DLGAP2: variants seen among roughly 807,000 people sequenced by gnomAD.
DLGAP2 encodes disks large-associated protein 2.
In DLGAP2, 26 loss-of-function variants were observed where a neutral mutation model predicts 100.3. The observed-to-expected ratio is 0.26, with a 90% CI of 0.19 to 0.36. The LOEUF is 0.36. DLGAP2 is among the 10% of genes least tolerant of loss of function. The probability of loss-of-function intolerance (pLI) is 1.00; values close to 1 mark genes in which losing one functional copy is unlikely to be tolerated. For missense variants in DLGAP2, 1,858 were observed against 1,453.2 expected (o/e 1.28, Z -4.53); for synonymous variants, 886 against 630.1 (o/e 1.41, Z -6.08).
intron 3 of DLGAP2, among the ~76,000 whole-genome samples, chr8:1,324,514 T>C (rs1376266251): frequency 6.6e-6 from 1 of 152,210 alleles, no homozygotes; most frequent in East Asian, 1.9e-4. Context: ...TCCCAGATCA[T>C]CTTACCCATT....
intron 3 of DLGAP2, among the ~76,000 whole-genome samples, chr8:1,392,446 A>T (rs2129818045): frequency 6.6e-6 from 1 of 152,270 alleles, no homozygotes; most frequent in African/African-American, 2.4e-5. Context: ...ATGGGAGGCA[A>T]ACCCGTTCCG....
At chr8:1,585,666 A>G (rs1796094217) in intron 6 of DLGAP2, among the ~76,000 whole-genome samples, 1 of 152,190 alleles carries the variant, frequency 6.6e-6, no homozygotes, top group Admixed American at 6.5e-5. Context: ...ATCCCTAGAG[A>G]TGCGTCTCTG....
At chr8:989,291 A>C (rs1261275670) in intron 2 of DLGAP2, among the ~76,000 whole-genome samples, 1 of 151,068 alleles carries the variant, frequency 6.6e-6, no homozygotes, top group African/African-American at 2.4e-5. Context: ...CCACATCCTA[A>C]CCTCCTCTCC....
chr8:817,140 CAAAAA>C (rs35157533), intron 1 of DLGAP2, among the ~76,000 whole-genome samples: 7 of 115,046 alleles, frequency 6.1e-5, no homozygotes, highest in Non-Finnish European at 3.6e-5. Flanking sequence ...GACTCCGTCT[CAAAAA>C]AAAAAAAAAA....
chr8:1,499,739 G>A (rs1484259596), intron 3 of DLGAP2, among the ~76,000 whole-genome samples: 1 of 152,188 alleles, frequency 6.6e-6, no homozygotes, highest in Non-Finnish European at 1.5e-5. Context: ...CTGTAACTGG[G>A]AGATCCCATG....
At chr8:1,200,754 A>G (rs1020841253) in intron 2 of DLGAP2, among the ~76,000 whole-genome samples, 1 of 151,540 alleles carries the variant, frequency 6.6e-6, no homozygotes, top group Non-Finnish European at 1.5e-5. Flanking sequence ...ACAGAGCTGT[A>G]ATAACACGGG....
At chr8:749,725 A>C (rs1820743996) in intron 1 of DLGAP2, among the ~76,000 whole-genome samples, 1 of 152,162 alleles carries the variant, frequency 6.6e-6, no homozygotes, top group African/African-American at 2.4e-5. Flanking sequence ...GGGTGTGTTT[A>C]GTTTCCTAGG....
chr8:1,583,183 G>C (rs1796000882), intron 6 of DLGAP2, among the ~76,000 whole-genome samples: 1 of 152,202 alleles, frequency 6.6e-6, no homozygotes, highest in Non-Finnish European at 1.5e-5. Flanking sequence ...CTTCCGTTTT[G>C]GGATATGTTT....
intron 5 of DLGAP2, among the ~76,000 whole-genome samples, chr8:1,562,312 G>C (rs867269891): frequency 9.5e-5 from 2 of 21,156 alleles, no homozygotes; most frequent in Non-Finnish European, 8.6e-5. Flanking sequence ...GTGTGGTGTT[G>C]GGGTGTCCGC....
intron 3 of DLGAP2, among the ~76,000 whole-genome samples, chr8:1,420,940 G>C (rs1286690837): frequency 6.6e-6 from 1 of 152,108 alleles, no homozygotes; most frequent in Admixed American, 6.6e-5. Context: ...CATTCGATTG[G>C]CTGTTTTGAG....
intron 2 of DLGAP2, among the ~76,000 whole-genome samples, chr8:966,805 G>A (rs963101562): frequency 3.3e-5 from 5 of 152,316 alleles, no homozygotes; most frequent in African/African-American, 9.6e-5. Flanking sequence ...TGTTAGGATG[G>A]TCAACCTTCT....
At chr8:1,270,148 G>T (rs1276236661) in intron 3 of DLGAP2, among the ~76,000 whole-genome samples, 3 of 152,144 alleles carry the variant, frequency 2.0e-5, no homozygotes, top group African/African-American at 7.2e-5. Flanking sequence ...TTAAAAACCA[G>T]GTGGGTCTTG....
intron 5 of DLGAP2, among the ~76,000 whole-genome samples, chr8:1,554,836 G>T (rs1801904831): frequency 6.6e-6 from 1 of 151,870 alleles, no homozygotes; most frequent in African/African-American, 2.4e-5. Context: ...TGGCGTTGTG[G>T]CTTATGGGGT....
intron 1 of DLGAP2, among the ~76,000 whole-genome samples, chr8:905,864 G>C (rs1209714553): frequency 6.8e-6 from 1 of 147,094 alleles, no homozygotes; most frequent in African/African-American, 2.5e-5. Context: ...ACCTCTCGCG[G>C]CCCTTTCCAA....
At chr8:1,528,970 T>G (rs182987950) in intron 4 of DLGAP2, among the ~76,000 whole-genome samples, 2 of 152,348 alleles carry the variant, frequency 1.3e-5, no homozygotes. Flanking sequence ...TTTCCTAAAA[T>G]GTTCACGTGA....
Position 1,219,079 on chromosome 8 carries a change from G to C in DLGAP2, c.74-39772G>C, listed in dbSNP as rs910786798. Among the ~76,000 whole-genome samples, 8 of 152,318 alleles carry C rather than the reference G, an allele frequency of 5.3e-5. No individual in the cohort carries two copies. In the South Asian group the frequency reaches 6.2e-4, roughly 12 times the overall value. ...CATATAGTCTAAAGACAGGTAGTTTGACTTCTTCTCTTTCTATCTGAATGC... is the reference window on the plus strand; with the variant it reads ...CATATAGTCTAAAGACAGGTAGTTTCACTTCTTCTCTTTCTATCTGAATGC... On this transcript the variant is annotated intron_variant, in intron 2 of 14. Coordinates refer to ENST00000637795, the MANE Select transcript of DLGAP2 (RefSeq NM_001346810.2).
At chr8:1,244,499 T>A (rs1335683759) in intron 2 of DLGAP2, among the ~76,000 whole-genome samples, 2 of 152,206 alleles carry the variant, frequency 1.3e-5, no homozygotes, top group African/African-American at 4.8e-5. Flanking sequence ...GATGGAGGGC[T>A]TGAGGCTGCC....
chr8:836,668 G>A (rs1463559497), intron 1 of DLGAP2, among the ~76,000 whole-genome samples: 1 of 152,210 alleles, frequency 6.6e-6, no homozygotes, highest in African/African-American at 2.4e-5. Flanking sequence ...CGGCCTACAG[G>A]CGCTGCCCTT....
intron 2 of DLGAP2, among the ~76,000 whole-genome samples, chr8:1,174,538 CATTACCATCACCAAAGTCATT>C (rs138265673): frequency 0.041 from 6,199 of 151,990 alleles, 196 homozygotes; most frequent in East Asian, 0.15. Flanking sequence ...TCATTATCAT[CATTACCATCACCAAAGTCATT>C]ATTACCATCA....
Sources: allele counts gnomAD v4.1 joint callset (sites outside exome capture counted in the v4.1 genomes callset), GRCh38; gene constraint gnomAD v4.1.1; transcripts MANE v1.5; gene names NCBI Gene and HGNC (gene_info 2026-07-23, HGNC 2026-07-21).